The following ARHGAP26 variants were observed in gnomAD, a reference collection of about 807,000 sequenced individuals.
The protein encoded by ARHGAP26 is rho GTPase-activating protein 26.
Under a neutral mutation model 104.8 loss-of-function variants are expected in ARHGAP26, and 38 were observed. That is an observed-to-expected ratio of 0.36 (90% CI 0.28 to 0.48). ARHGAP26 has a LOEUF of 0.48. ARHGAP26 is among the 20% of genes least tolerant of loss of function. The pLI, the probability that ARHGAP26 is intolerant of heterozygous loss-of-function variation, is 0.99. For synonymous variants in ARHGAP26, 341 were observed against 340.0 expected (o/e 1.00, Z -0.03); for missense variants, 704 against 947.9 (o/e 0.74, Z 3.38).
chr5:142,880,659 G>A (rs1562006249), intron 4 of ARHGAP26, among the ~76,000 whole-genome samples: 2 of 152,210 alleles, frequency 1.3e-5, no homozygotes, highest in Non-Finnish European at 2.9e-5. Flanking sequence ...TTCTGGAACT[G>A]TGAGTCAATT....
chr5:142,963,185 T>TATATATGTATATATATATACATAC (rs1770625609), intron 11 of ARHGAP26, among the ~76,000 whole-genome samples: 1 of 108,120 alleles, frequency 9.2e-6, no homozygotes, highest in African/African-American at 5.1e-5. Context: ...TATATATATA[T>TATATATGTATATATATATACATAC]ATATATATAT....
At chr5:143,064,195 G>A (rs1191516666) in intron 17 of ARHGAP26, among the ~76,000 whole-genome samples, 1 of 151,980 alleles carries the variant, frequency 6.6e-6, no homozygotes, top group Non-Finnish European at 1.5e-5. Flanking sequence ...TCTCCAGTTT[G>A]CCTTAGTTCC....
chr5:143,097,577 T>G (rs1300390124), intron 17 of ARHGAP26, among the ~76,000 whole-genome samples: 1 of 151,626 alleles, frequency 6.6e-6, no homozygotes, highest in African/African-American at 2.4e-5. Context: ...TCCCAGCACT[T>G]TGGGAGGTCG....
intron 14 of ARHGAP26, among the ~76,000 whole-genome samples, chr5:143,050,111 G>A (rs1784792366): frequency 6.6e-6 from 1 of 152,178 alleles, no homozygotes; most frequent in African/African-American, 2.4e-5. Flanking sequence ...TATGTTGTTG[G>A]TGGGCAGAGG....
rs1015705499 is a variant in ARHGAP26, at chr5:143,228,142, T to C, written c.*5696T>C. 2 of 225,826 alleles carry C rather than the reference T, an allele frequency of 8.9e-6. No individual in the cohort carries two copies. Among genetic ancestry groups the C allele is most frequent in the African/African-American group, 4.4e-5 (2 of 44,970 alleles). 14.0% of individuals were successfully genotyped at this position (225,826 alleles called of 1,614,324 possible). ...TCTACGTCAACCATTTCTACAAAGT[T>C]GTCCAGACACCTAAAAGCAGCTTTC... On this transcript the variant is annotated 3_prime_UTR_variant, in exon 23 of 23. Transcript: ENST00000645722.
intron 12 of ARHGAP26, among the ~76,000 whole-genome samples, chr5:143,019,464 G>A (rs1281583479): frequency 6.6e-6 from 1 of 151,990 alleles, no homozygotes; most frequent in Admixed American, 6.6e-5. Flanking sequence ...CCCTACCTTT[G>A]GGTACAAGGT....
intron 20 of ARHGAP26, chr5:143,170,157 T>C (rs1802568112): frequency 6.6e-6 from 1 of 152,178 alleles, no homozygotes; most frequent in Admixed American, 6.5e-5. Flanking sequence ...TTCATTTTAA[T>C]GACAGTGTTG....
chr5:143,049,314 G>T (rs1784660978), intron 14 of ARHGAP26, among the ~76,000 whole-genome samples: 1 of 152,072 alleles, frequency 6.6e-6, no homozygotes, highest in African/African-American at 2.4e-5. Context: ...ATTTAAAATT[G>T]TTGGGTTGAT....
intron 11 of ARHGAP26, among the ~76,000 whole-genome samples, chr5:142,938,765 C>G (rs540137602): frequency 1.3e-5 from 2 of 152,316 alleles, no homozygotes; most frequent in African/African-American, 4.8e-5. Context: ...ATCCCCTTAG[C>G]TGTGATTAGT....
At chr5:142,887,481 G>T (rs1306831979) in intron 5 of ARHGAP26, among the ~76,000 whole-genome samples, 1 of 152,104 alleles carries the variant, frequency 6.6e-6, no homozygotes, top group Non-Finnish European at 1.5e-5. Flanking sequence ...CTTATGATTG[G>T]CCTGTTCCGC....
At chr5:142,922,530 C>T (rs899487667) in intron 10 of ARHGAP26, among the ~76,000 whole-genome samples, 3 of 152,060 alleles carry the variant, frequency 2.0e-5, no homozygotes, top group Admixed American at 6.5e-5. Context: ...CTAGAAATTC[C>T]TTCCTCCCAC....
intron 11 of ARHGAP26, among the ~76,000 whole-genome samples, chr5:142,955,808 C>T (rs977797664): frequency 1.3e-5 from 2 of 152,154 alleles, no homozygotes; most frequent in African/African-American, 4.8e-5. Flanking sequence ...CCTCTTTGGC[C>T]AGGGTGCATC....
rs1285698664 is a variant in ARHGAP26, at chr5:143,225,209, AT to A, written c.*2764del. ...TTTGTGTTTTTGTTTGTTTTTTGAGATGGAGTCTCACTCTGTGGCCCAGGCT... is the reference window on the plus strand; with the variant it reads ...TTTGTGTTTTTGTTTGTTTTTTGAGAGGAGTCTCACTCTGTGGCCCAGGCT... On this transcript the variant is annotated 3_prime_UTR_variant, in exon 23 of 23. Transcript: ENST00000645722. 5.2e-6 allele frequency: 1 copy of A among 192,772 alleles called. No homozygotes were observed. Among genetic ancestry groups the A allele is most frequent in the Non-Finnish European group, 1.1e-5 (1 of 92,254 alleles). 11.9% of individuals were successfully genotyped at this position (192,772 alleles called of 1,614,324 possible).
intron 17 of ARHGAP26, among the ~76,000 whole-genome samples, chr5:143,118,943 TAAA>T (rs11408187): frequency 8.1e-6 from 1 of 123,810 alleles, no homozygotes; most frequent in Non-Finnish European, 1.8e-5. Flanking sequence ...AGTATAATAA[TAAA>T]AAAAAAAAAA....
At chr5:142,880,956 G>A (rs1756912301) in intron 4 of ARHGAP26, among the ~76,000 whole-genome samples, 1 of 152,212 alleles carries the variant, frequency 6.6e-6, no homozygotes, top group African/African-American at 2.4e-5. Context: ...ACACATTTAT[G>A]AGGAAGTGGG....
At chr5:142,920,637 C>G (rs1470202005) in intron 10 of ARHGAP26, among the ~76,000 whole-genome samples, 1 of 152,132 alleles carries the variant, frequency 6.6e-6, no homozygotes, top group Non-Finnish European at 1.5e-5. Flanking sequence ...GTTAAGTGCC[C>G]CTTTCCCAGC....
intron 1 of ARHGAP26, among the ~76,000 whole-genome samples, chr5:142,778,980 A>T (rs1756932467): frequency 6.6e-6 from 1 of 151,186 alleles, no homozygotes; most frequent in Non-Finnish European, 1.5e-5. Context: ...TATGTGTGCC[A>T]GGGAAAGAGA....
At chr5:143,101,051 T>C (rs2398609) in intron 17 of ARHGAP26, among the ~76,000 whole-genome samples, 144,863 of 152,272 alleles carry the variant, frequency 0.95, 68,991 homozygotes, top group East Asian at 1. Flanking sequence ...AAACATTGTG[T>C]CACTACACTC....
At chr5:142,920,962 T>C (rs1763113118) in intron 10 of ARHGAP26, among the ~76,000 whole-genome samples, 1 of 152,198 alleles carries the variant, frequency 6.6e-6, no homozygotes, top group Admixed American at 6.5e-5. Flanking sequence ...TCCTTCCTTA[T>C]TTTATTGAGC....
Sources: gnomAD v4.1 joint callset for allele counts (sites outside exome capture counted in the v4.1 genomes callset) on GRCh38, gnomAD v4.1.1 for gene constraint, MANE v1.5 for transcripts, NCBI Gene and HGNC (gene_info 2026-07-23, HGNC 2026-07-21) for gene names.